Variants in GULP1 observed in about 807,000 individuals in gnomAD.
GULP1 encodes the protein GULP PTB domain containing engulfment adaptor 1.
In GULP1, 19 loss-of-function variants were observed where a neutral mutation model predicts 40.9. The observed-to-expected ratio is 0.46, with a 90% CI of 0.32 to 0.68. The LOEUF (loss-of-function observed/expected upper bound fraction) is 0.68, where lower values mean the gene tolerates loss of function less well. Ranked by LOEUF, GULP1 falls within the 30% of genes least tolerant of loss-of-function variation. GULP1 has a pLI of 0.03. For synonymous variants in GULP1, 119 were observed against 117.6 expected, an observed-to-expected ratio of 1.01 and a Z score of -0.08; for missense variants, 312 against 362.2, an observed-to-expected ratio of 0.86 and a Z score of 1.12.
chr2:188,362,558 T>C (rs1450577713), intron 1 of GULP1, among the ~76,000 whole-genome samples: 1 of 152,120 alleles, frequency 6.6e-6, no homozygotes, highest in African/African-American at 2.4e-5. Context: ...CCCTTATTAG[T>C]GCCTGCAGGA....
chr2:188,402,308 T>G lies in GULP1; in HGVS notation c.-45+18419T>G, dbSNP rs1227376307. ...CATTGCTTAGGTATTATTATTTGCT[T>G]TGACTCCTCAATAAAATTATTTACT... On this transcript the variant is annotated intron_variant, in intron 2 of 11. Transcript: ENST00000409830. 2.6e-5 allele frequency among the ~76,000 whole-genome samples: 4 copies of G among 152,258 alleles called. No individual in the cohort carries two copies. In the East Asian group the frequency reaches 5.8e-4, roughly 22 times the overall value.
intron 1 of GULP1, among the ~76,000 whole-genome samples, chr2:188,342,600 G>A (rs969695971): frequency 6.6e-6 from 1 of 152,106 alleles, no homozygotes; most frequent in Non-Finnish European, 1.5e-5. Flanking sequence ...TTGAGCATTT[G>A]TATTAAAGAA....
intron 1 of GULP1, among the ~76,000 whole-genome samples, chr2:188,359,667 A>G (rs1252459373): frequency 6.6e-6 from 1 of 152,150 alleles, no homozygotes; most frequent in Non-Finnish European, 1.5e-5. Flanking sequence ...GATGAACTGT[A>G]TTAAAAATTA....
chr2:188,568,226 G>T (rs141145966), intron 7 of GULP1, among the ~76,000 whole-genome samples: 48 of 152,114 alleles, frequency 3.2e-4, no homozygotes, highest in Middle Eastern at 3.5e-3. Context: ...TAAATTATTA[G>T]AATTTGTAGT....
intron 2 of GULP1, among the ~76,000 whole-genome samples, chr2:188,449,345 C>T (rs928318966): frequency 2.6e-5 from 4 of 152,070 alleles, no homozygotes; most frequent in Non-Finnish European, 5.9e-5. Flanking sequence ...ACTATTTTTT[C>T]TTGTTTCGTC....
chr2:188,305,921 G>A (rs1276698599), intron 1 of GULP1, among the ~76,000 whole-genome samples: 1 of 152,110 alleles, frequency 6.6e-6, no homozygotes, highest in Non-Finnish European at 1.5e-5. Context: ...GGGATTGCAG[G>A]CATGTGCCAC....
At chr2:188,461,804 C>A (rs112392794) in intron 2 of GULP1, among the ~76,000 whole-genome samples, 31 of 152,126 alleles carry the variant, frequency 2.0e-4, no homozygotes, top group African/African-American at 7.0e-4. Flanking sequence ...TTTTTCATCT[C>A]TGCTTTTATT....
At chr2:188,424,232 A>G (rs2055845187) in intron 2 of GULP1, among the ~76,000 whole-genome samples, 1 of 151,930 alleles carries the variant, frequency 6.6e-6, no homozygotes, top group African/African-American at 2.4e-5. Flanking sequence ...TTAAATTTTT[A>G]TGTGTGTCAA....
chr2:188,559,517 C>G (rs1695700901), intron 7 of GULP1, among the ~76,000 whole-genome samples: 2 of 152,178 alleles, frequency 1.3e-5, no homozygotes, highest in African/African-American at 4.8e-5. Context: ...AGAGTCCCCA[C>G]TGGGGCACTG....
intron 1 of GULP1, among the ~76,000 whole-genome samples, chr2:188,364,996 G>T (rs1043568499): frequency 6.6e-6 from 1 of 151,700 alleles, no homozygotes; most frequent in African/African-American, 2.4e-5. Context: ...CACTGGAGTG[G>T]TTGGATAATA....
rs554078299 is a variant in GULP1 at position 188,545,256 on chromosome 2, A to G, written c.399+3938A>G. On this transcript the variant is annotated intron_variant, in intron 7 of 11. Coordinates refer to ENST00000409830, the MANE Select transcript of GULP1 (RefSeq NM_016315.4). ...AAAGGAAGTTCTCTAAATGGAAAGG[A>G]AACAATACAAAATGGGAACTTGGAG... Among the ~76,000 whole-genome samples, 5 of 152,030 alleles carry G rather than the reference A, an allele frequency of 3.3e-5. No individual in the cohort carries two copies. In the South Asian group the frequency reaches 1.0e-3, roughly 31 times the overall value.
intron 7 of GULP1, among the ~76,000 whole-genome samples, chr2:188,559,328 G>T (rs1054999526): frequency 1.3e-5 from 2 of 151,964 alleles, no homozygotes; most frequent in Admixed American, 6.5e-5. Flanking sequence ...CAGCATCCAC[G>T]TCGTTTTGGA....
At chr2:188,364,917 C>CAT (rs1299253772) in intron 1 of GULP1, among the ~76,000 whole-genome samples, 6 of 143,350 alleles carry the variant, frequency 4.2e-5, no homozygotes, top group Admixed American at 6.9e-5. Context: ...CACACACACA[C>CAT]ATATATATGT....
intron 1 of GULP1, among the ~76,000 whole-genome samples, chr2:188,330,576 A>C (rs2041428123): frequency 6.6e-6 from 1 of 152,190 alleles, no homozygotes; most frequent in Non-Finnish European, 1.5e-5. Flanking sequence ...TATGTAAAAA[A>C]ATTTAAACAC....
intron 1 of GULP1, among the ~76,000 whole-genome samples, chr2:188,370,552 T>C (rs2047465931): frequency 6.6e-6 from 1 of 152,220 alleles, no homozygotes. Flanking sequence ...TTATGGGTTA[T>C]TTCAATCCAT....
At chr2:188,516,969 A>G (rs749595449) in intron 4 of GULP1, among the ~76,000 whole-genome samples, 13 of 152,192 alleles carry the variant, frequency 8.5e-5, no homozygotes, top group African/African-American at 2.7e-4. Context: ...TGACACAGAA[A>G]GCAGACACAG....
At chr2:188,344,681 C>T (rs140593533) in intron 1 of GULP1, among the ~76,000 whole-genome samples, 12 of 152,256 alleles carry the variant, frequency 7.9e-5, no homozygotes, top group Non-Finnish European at 1.5e-4. Context: ...ACTGGGTCAT[C>T]CAGTTGTGTG....
At chr2:188,352,628 A>ACACACACACG (rs1316848803) in intron 1 of GULP1, among the ~76,000 whole-genome samples, 9 of 150,510 alleles carry the variant, frequency 6.0e-5, no homozygotes, top group African/African-American at 1.7e-4. Flanking sequence ...TCACACACAC[A>ACACACACACG]CACACACACA....
At chr2:188,330,751 T>A (rs1354709129) in intron 1 of GULP1, among the ~76,000 whole-genome samples, 1 of 152,182 alleles carries the variant, frequency 6.6e-6, no homozygotes, top group Non-Finnish European at 1.5e-5. Context: ...AATACTGAAC[T>A]TCTCTGGGCT....
Sources: allele counts gnomAD v4.1 joint callset (sites outside exome capture counted in the v4.1 genomes callset), GRCh38; gene constraint gnomAD v4.1.1; transcripts MANE v1.5; gene names NCBI Gene and HGNC (gene_info 2026-07-23, HGNC 2026-07-21).